Variants in UQCC1 observed in about 807,000 individuals in gnomAD.
The protein encoded by UQCC1 is bFGF-repressed Zic-binding protein.
In UQCC1, 38 loss-of-function variants were observed where a neutral mutation model predicts 48.0. That is an observed-to-expected ratio of 0.79 (90% CI 0.61 to 1.04). UQCC1 has a LOEUF of 1.04. Among genes scored for constraint, UQCC1 ranks in the 50% least tolerant of loss-of-function variants. The probability of loss-of-function intolerance (pLI) is 0.00; values close to 1 mark genes in which losing one functional copy is unlikely to be tolerated. For synonymous variants in UQCC1, 111 were observed against 129.2 expected (o/e 0.86, Z 0.95); for missense variants, 368 against 381.8 (o/e 0.96, Z 0.30).
intron 1 of UQCC1, among the ~76,000 whole-genome samples, chr20:35,395,395 G>C (rs547201961): frequency 6.6e-6 from 1 of 151,966 alleles, no homozygotes; most frequent in Admixed American, 6.6e-5. Flanking sequence ...GGCTGAAGCA[G>C]GATTACTTGA....
intron 6 of UQCC1, among the ~76,000 whole-genome samples, chr20:35,357,513 C>T (rs1024119296): frequency 5.9e-4 from 10 of 16,936 alleles, no homozygotes; most frequent in African/African-American, 2.4e-3. Flanking sequence ...AGCAAGACTC[C>T]GTCTCAAAAA....
chr20:35,397,177 C>T (rs191589990), intron 1 of UQCC1, among the ~76,000 whole-genome samples: 127 of 131,816 alleles, frequency 9.6e-4, no homozygotes, highest in Middle Eastern at 4.3e-3. Context: ...CCAGCCTGGG[C>T]GATAGAGAGG....
intron 7 of UQCC1, among the ~76,000 whole-genome samples, chr20:35,327,838 C>T (rs1227859169): frequency 6.6e-6 from 1 of 151,978 alleles, no homozygotes; most frequent in Non-Finnish European, 1.5e-5. Context: ...CCCTTCTTTA[C>T]TAAAAATACA....
At chr20:35,339,360 C>CAG (rs1185043201) in intron 7 of UQCC1, among the ~76,000 whole-genome samples, 9 of 152,108 alleles carry the variant, frequency 5.9e-5, no homozygotes, top group Middle Eastern at 3.4e-3. Flanking sequence ...AGGGAGTGGC[C>CAG]AGATATATGA....
intron 1 of UQCC1, among the ~76,000 whole-genome samples, chr20:35,403,966 G>A (rs2062207553): frequency 6.6e-6 from 1 of 152,028 alleles, no homozygotes; most frequent in South Asian, 2.1e-4. Flanking sequence ...GGCCGGGCGT[G>A]GTGGCTCATG....
chr20:35,318,865 A>G (rs1318997014), intron 7 of UQCC1, among the ~76,000 whole-genome samples: 1 of 151,904 alleles, frequency 6.6e-6, no homozygotes, highest in Non-Finnish European at 1.5e-5. Context: ...GTTGGATTTT[A>G]TTCCCTCATT....
intron 4 of UQCC1, among the ~76,000 whole-genome samples, chr20:35,377,621 A>C (rs540217304): frequency 1.3e-5 from 2 of 152,238 alleles, no homozygotes; most frequent in Non-Finnish European, 2.9e-5. Flanking sequence ...CTTACGGCCC[A>C]GTTCAGCTAC....
chr20:35,330,857 C>T (rs1268847209), intron 7 of UQCC1, among the ~76,000 whole-genome samples: 1 of 150,400 alleles, frequency 6.6e-6, no homozygotes, highest in Non-Finnish European at 1.5e-5. Context: ...TGCATTGGAG[C>T]CTGCTGGTTA....
chr20:35,306,653 A>G lies in UQCC1; in HGVS notation c.765+13T>C, dbSNP rs1230832374. 1.1e-5 allele frequency: 17 copies of G among 1,604,824 alleles called. No homozygotes were observed. The highest frequency in any genetic ancestry group is 1.3e-5 in the Non-Finnish European group (15 of 1,171,912). On this transcript the variant is annotated intron_variant, in intron 9 of 9. Coordinates refer to ENST00000374385, the MANE Select transcript of UQCC1 (RefSeq NM_018244.5). ...TTGCCAGGACTTGGGAGGGGAGGGA[A>G]AGGGTCACTCACCTGTTTCCTCACA... is the stretch of plus-strand genomic sequence containing the variant.
At chr20:35,327,014 C>G (rs1159853461) in intron 7 of UQCC1, among the ~76,000 whole-genome samples, 1 of 152,152 alleles carries the variant, frequency 6.6e-6, no homozygotes, top group African/African-American at 2.4e-5. Flanking sequence ...ATCACTGACC[C>G]GAGTCCTTTC....
intron 7 of UQCC1, among the ~76,000 whole-genome samples, chr20:35,331,956 C>T (rs114535523): frequency 0.022 from 3,415 of 152,216 alleles, 124 homozygotes; most frequent in African/African-American, 0.078. Context: ...CATAACTGTG[C>T]GTGACTTACC....
intron 7 of UQCC1, among the ~76,000 whole-genome samples, chr20:35,319,879 G>A (rs1361192666): frequency 6.6e-6 from 1 of 152,148 alleles, no homozygotes; most frequent in Non-Finnish European, 1.5e-5. Flanking sequence ...AGATATTTAT[G>A]TGACTGCTTA....
chr20:35,324,852 T>C (rs2061174272), intron 7 of UQCC1, among the ~76,000 whole-genome samples: 1 of 152,110 alleles, frequency 6.6e-6, no homozygotes, highest in Non-Finnish European at 1.5e-5. Flanking sequence ...TCCAAAAGAA[T>C]TGAAAGCGGG....
At chr20:35,348,842 C>CG (rs1210503106) in intron 6 of UQCC1, among the ~76,000 whole-genome samples, 2 of 152,012 alleles carry the variant, frequency 1.3e-5, no homozygotes, top group Admixed American at 1.3e-4. Context: ...TTTGTAGAGA[C>CG]GGGGGTCTCA....
At chr20:35,335,336 AAAAGTGG>A (rs1037934966) in intron 7 of UQCC1, among the ~76,000 whole-genome samples, 3 of 152,226 alleles carry the variant, frequency 2.0e-5, no homozygotes. Flanking sequence ...ACAAAAGCTA[AAAAGTGG>A]AAAGTGGAAA....
At chr20:35,394,306 T>G in intron 1 of UQCC1, 110 bp from the exon 2 acceptor site, 2 of 978,212 alleles carry the variant, frequency 2.0e-6, no homozygotes, top group South Asian at 1.5e-5. Context: ...ATATTTGGCC[T>G]TCATCTCTAG....
chr20:35,338,929 A>G (rs1022134464), intron 7 of UQCC1, among the ~76,000 whole-genome samples: 2 of 129,368 alleles, frequency 1.5e-5, no homozygotes, highest in Non-Finnish European at 3.1e-5. Context: ...TTCAAAATGC[A>G]TATACCTGAG....
At chr20:35,308,868 T>C (rs1369125417) in intron 8 of UQCC1, among the ~76,000 whole-genome samples, 1 of 152,086 alleles carries the variant, frequency 6.6e-6, no homozygotes, top group Admixed American at 6.6e-5. Context: ...GCATGTGCCA[T>C]CACACCCGGC....
At chr20:35,310,232 C>T (rs989867105) in intron 8 of UQCC1, among the ~76,000 whole-genome samples, 17 of 152,192 alleles carry the variant, frequency 1.1e-4, no homozygotes, top group African/African-American at 3.4e-4. Flanking sequence ...ATGGTAGACA[C>T]TCAAAAGCTA....
Sources: gnomAD v4.1 joint callset for allele counts (sites outside exome capture counted in the v4.1 genomes callset) on GRCh38, gnomAD v4.1.1 for gene constraint, MANE v1.5 for transcripts, NCBI Gene and HGNC (gene_info 2026-07-23, HGNC 2026-07-21) for gene names.